Variants in GGA2 observed in about 807,000 individuals in gnomAD.
GGA2 encodes the protein golgi associated, gamma adaptin ear containing, ARF binding protein 2.
In GGA2, 48 loss-of-function variants were observed where a neutral mutation model predicts 79.5. The ratio of observed to expected loss-of-function variants is 0.60; its 90% CI spans 0.48 to 0.77. GGA2 has a LOEUF of 0.77. GGA2 is among the 30% of genes least tolerant of loss of function. The pLI is 0.00. For synonymous variants in GGA2, 317 were observed against 302.0 expected, an observed-to-expected ratio of 1.05 and a Z score of -0.51; for missense variants, 770 against 774.0, an observed-to-expected ratio of 0.99 and a Z score of 0.06.
upstream of GGA2, chr16:23,522,469 T>G (rs534093776): frequency 4.0e-4 from 57 of 142,236 alleles, no homozygotes; most frequent in African/African-American, 1.6e-3. Context: ...CCAAAACCTG[T>G]TTTTTTTTTG....
At chr16:23,512,845 C>T (rs889466614), upstream of GGA2, among the ~76,000 whole-genome samples, 14 of 151,036 alleles carry the variant, frequency 9.3e-5, no homozygotes, top group Admixed American at 4.0e-4. Context: ...GCTGGGAATA[C>T]AGGCGCCCAC....
At chr16:23,490,510 G>C (rs9928410) in intron 5 of GGA2, among the ~76,000 whole-genome samples, 1 of 152,032 alleles carries the variant, frequency 6.6e-6, no homozygotes, top group African/African-American at 2.4e-5. Context: ...TGAGGCAGGC[G>C]GATCATTTGA....
intron 2 of GGA2, among the ~76,000 whole-genome samples, chr16:23,516,649 T>G (rs940614284): frequency 1.1e-4 from 17 of 152,134 alleles, no homozygotes; most frequent in Non-Finnish European, 2.1e-4. Context: ...CCCAACTCCT[T>G]GCCTTCATTA....
At chr16:23,472,797 G>A (rs1964527630) in intron 14 of GGA2, among the ~76,000 whole-genome samples, 1 of 151,990 alleles carries the variant, frequency 6.6e-6, no homozygotes, top group Non-Finnish European at 1.5e-5. Flanking sequence ...CACTTTGGGA[G>A]GCCGAGGTGG....
intron 4 of GGA2, among the ~76,000 whole-genome samples, chr16:23,492,949 A>G (rs754661496): frequency 9.2e-5 from 14 of 152,360 alleles, no homozygotes; most frequent in Admixed American, 3.9e-4. Flanking sequence ...GGAACACAAC[A>G]AGGCAGGGCT....
intron 1 of GGA2, among the ~76,000 whole-genome samples, chr16:23,507,088 T>C: frequency 6.6e-6 from 1 of 152,126 alleles, no homozygotes; most frequent in Admixed American, 6.5e-5. Flanking sequence ...CTCCCCCTCC[T>C]TCTACATTCA....
At chr16:23,476,589 T>C (rs1384277780) in intron 13 of GGA2, among the ~76,000 whole-genome samples, 1 of 152,190 alleles carries the variant, frequency 6.6e-6, no homozygotes, top group Non-Finnish European at 1.5e-5. Context: ...TAGAAACTGA[T>C]ATGAAATGCA....
At chr16:23,492,456 A>T (rs956448759) in intron 4 of GGA2, among the ~76,000 whole-genome samples, 7 of 152,202 alleles carry the variant, frequency 4.6e-5, no homozygotes, top group African/African-American at 1.7e-4. Context: ...TCAAGCCAGC[A>T]ATGATGTGTA....
intron 13 of GGA2, among the ~76,000 whole-genome samples, chr16:23,477,087 G>C (rs760684269): frequency 6.6e-6 from 1 of 152,156 alleles, no homozygotes; most frequent in Non-Finnish European, 1.5e-5. Flanking sequence ...GAGCAGCTGG[G>C]ACTACAGTCA....
intron 1 of GGA2, among the ~76,000 whole-genome samples, chr16:23,497,256 T>G (rs1446254647): frequency 6.6e-6 from 1 of 152,160 alleles, no homozygotes; most frequent in African/African-American, 2.4e-5. Context: ...GGGGCAGTAC[T>G]TCTGACATTA....
In GGA2 at chr16:23,466,318, A is replaced by G. The variant is rs1439439490; in HGVS notation, c.*1272T>C. ...CCTTCTCCCACCCATCAGGCCAAGC[A>G]GGACTTGTCAAACATACACATTCAA... On this transcript the variant is annotated 3_prime_UTR_variant, in exon 17 of 17. Coordinates refer to ENST00000309859, the MANE Select transcript of GGA2 (RefSeq NM_015044.4). 3.3e-5 allele frequency: 5 copies of G among 152,214 alleles called. No individual in the cohort carries two copies. The highest frequency in any genetic ancestry group is 1.2e-4 in the African/African-American group (5 of 41,452). The allele number at this position is 152,214 out of a possible 1,614,324, so 9.4% of individuals were successfully genotyped here.
In GGA2 at chr16:23,463,686, AACTGGGGTCAG is replaced by A. The variant is rs1964401043; in HGVS notation, c.*3893_*3903del. Reference sequence around the variant, plus strand: ...TGGTGCATCGCTTGGCTTTAAAACAAACTGGGGTCAGGACATGGTGGCTCATGCCTGTAATC... The same window carrying A: ...TGGTGCATCGCTTGGCTTTAAAACAAGACATGGTGGCTCATGCCTGTAATC... On this transcript the variant is annotated 3_prime_UTR_variant, in exon 17 of 17. Transcript: ENST00000309859. 6.6e-6 allele frequency: 1 copy of A among 152,238 alleles called. No homozygotes were observed. The highest frequency in any genetic ancestry group is 2.4e-5 in the African/African-American group (1 of 41,456). 9.4% of individuals were successfully genotyped at this position (152,238 alleles called of 1,614,324 possible). A position where few individuals can be genotyped will look rare whatever the true frequency, so the allele number is the denominator to read the frequency against.
chr16:23,482,871 G>T (rs183190496), intron 9 of GGA2, 52 bp downstream of exon 9: 21 of 1,019,718 alleles, frequency 2.1e-5, no homozygotes, highest in African/African-American at 3.1e-5. Context: ...AGGAGGGACC[G>T]AGTCTGTCTT....
At chr16:23,500,983 GAACA>G (rs1466233875) in intron 1 of GGA2, 1 of 323,736 alleles carries the variant, frequency 3.1e-6, no homozygotes, top group Admixed American at 4.2e-5. Flanking sequence ...CTAGATAACA[GAACA>G]GTCAGCCAGC....
At position 23,479,748 on chromosome 16, in the gene GGA2, C is replaced by T; in HGVS notation, c.1129+17G>A. 3.1e-6 allele frequency: 5 copies of T among 1,613,478 alleles called. No individual in the cohort carries two copies. The highest frequency in any genetic ancestry group is 4.2e-6 in the Non-Finnish European group (5 of 1,179,814). ...GCACCCATCCTGTGCCTGCTCCCCA[C>T]AAGCACCTGCCCTCACCCAAGGCTG... On this transcript the variant is annotated intron_variant, in intron 11 of 16. Coordinates refer to ENST00000309859, the MANE Select transcript of GGA2 (RefSeq NM_015044.4).
intron 1 of GGA2, among the ~76,000 whole-genome samples, chr16:23,506,843 G>T (rs1268836203): frequency 6.6e-6 from 1 of 151,924 alleles, no homozygotes; most frequent in Non-Finnish European, 1.5e-5. Context: ...GATCTCCTTC[G>T]CCAGACAGTC....
At chr16:23,487,720 C>CAA (rs1964732936) in intron 6 of GGA2, among the ~76,000 whole-genome samples, 1 of 151,962 alleles carries the variant, frequency 6.6e-6, no homozygotes, top group Admixed American at 6.6e-5. Flanking sequence ...CCTAAGGCAC[C>CAA]AAGCAGGAGG....
rs1416620176 is a variant in GGA2 at position 23,510,365 on chromosome 16, G to A, written c.47C>T (p.Ala16Val). The change falls in exon 1 of 17, where the codon GCC (alanine) becomes GTC (valine). Residue 16 changes from alanine to valine, a missense_variant. Ala to Val is a moderately conservative substitution (Grantham distance 64). Transcript: ENST00000309859. ...CGCTGCCGGGCCCGGGGGACCCTGG[G>A]CCGACTCGGTTCCCGCCACAGCCGC... ...VAAAVAGTES[A>V]QGPPGPAASL... The A allele has an allele frequency of 4.9e-6, 7 of 1,428,444 alleles. No individual in the cohort carries two copies. Among genetic ancestry groups the A allele is most frequent in the Non-Finnish European group, 6.4e-6 (7 of 1,090,678 alleles). The allele number at this position is 1,428,444 out of a possible 1,614,324, so 88.5% of individuals were successfully genotyped here.
upstream of GGA2, among the ~76,000 whole-genome samples, chr16:23,510,891 G>C (rs930416303): frequency 6.7e-6 from 1 of 148,968 alleles, no homozygotes; most frequent in South Asian, 2.1e-4. Flanking sequence ...GTGTGTGTTA[G>C]AGACTGGGTT....
Sources: allele counts gnomAD v4.1 joint callset (sites outside exome capture counted in the v4.1 genomes callset), GRCh38; gene constraint gnomAD v4.1.1; transcripts MANE v1.5; gene names NCBI Gene and HGNC (gene_info 2026-07-23, HGNC 2026-07-21).